The following MYT1L variants were observed in gnomAD, a reference collection of about 807,000 sequenced individuals.
MYT1L encodes the protein myelin transcription factor 1-like protein.
Under a neutral mutation model 126.7 loss-of-function variants are expected in MYT1L, and 12 were observed. The ratio of observed to expected loss-of-function variants is 0.09; its 90% confidence interval spans 0.06 to 0.15. The LOEUF (loss-of-function observed/expected upper bound fraction) is 0.15. MYT1L is among the 10% of genes least tolerant of loss of function. MYT1L has a pLI of 1.00. For missense variants in MYT1L, 979 were observed against 1,585.2 expected (o/e 0.62, Z 6.49); for synonymous variants, 541 against 604.2 (o/e 0.90, Z 1.53).
At chr2:2,036,476 C>T (rs1377604888) in intron 4 of MYT1L, among the ~76,000 whole-genome samples, 2 of 151,308 alleles carry the variant, frequency 1.3e-5, no homozygotes, top group African/African-American at 4.9e-5. Flanking sequence ...AATGCGGGTG[C>T]AGAAGAGAGC....
intron 3 of MYT1L, among the ~76,000 whole-genome samples, chr2:2,088,410 A>T (rs141914999): frequency 6.6e-6 from 1 of 152,334 alleles, no homozygotes; most frequent in East Asian, 1.9e-4. Flanking sequence ...AGGTGTTTGC[A>T]GTCCTGGTGG....
At position 1,979,264 on chromosome 2, in the gene MYT1L, G is replaced by A; in HGVS notation, c.90-37C>T. ...AAGAATGGATTACACGGTGCCGCAGGCAGGCAGGTGAGACGGAAAGCTTCC... is the reference window on the plus strand; with the variant it reads ...AAGAATGGATTACACGGTGCCGCAGACAGGCAGGTGAGACGGAAAGCTTCC... On this transcript the variant is annotated intron_variant, in intron 7 of 24. Transcript: ENST00000647738. This position sits in a 1 kb window ranked among gnomAD's most constrained non-coding sequence, Gnocchi z 4.0. 6.3e-7 allele frequency: 1 copy of A among 1,586,226 alleles called. No individual in the cohort carries two copies. Among genetic ancestry groups the A allele is most frequent in the Non-Finnish European group, 8.6e-7 (1 of 1,156,416 alleles).
rs114415409 is a variant in MYT1L at position 2,095,561 on chromosome 2, C to T, written c.-303-41438G>A. The stretch of plus-strand genomic sequence containing the variant: ...TCCTGCGAGCCCCCACCTGTGGCCG[C>T]GGGGGGTCACTACACCAAGGAATTC... On this transcript the variant is annotated intron_variant, in intron 3 of 24. Coordinates refer to ENST00000647738, the MANE Select transcript of MYT1L (RefSeq NM_001303052.2). Among the ~76,000 whole-genome samples the T allele has an allele frequency of 4.1e-3, 617 of 151,840 alleles. 2 individuals are homozygous for T. Among genetic ancestry groups the T allele is most frequent in the African/African-American group, 0.014 (594 of 41,384 alleles).
At chr2:1,891,123 A>G (rs1438400249) in intron 15 of MYT1L, among the ~76,000 whole-genome samples, 1 of 138,100 alleles carries the variant, frequency 7.2e-6, no homozygotes, top group African/African-American at 3.5e-5. Flanking sequence ...AGGACTAAAT[A>G]TACTGATAGA....
intron 2 of MYT1L, among the ~76,000 whole-genome samples, chr2:2,219,803 T>C (rs1490342513): frequency 2.0e-5 from 3 of 152,126 alleles, no homozygotes; most frequent in African/African-American, 7.2e-5. Flanking sequence ...AATGACCCTG[T>C]CTCCTTTTTT....
At chr2:2,281,623 T>C (rs540873821) in intron 2 of MYT1L, among the ~76,000 whole-genome samples, 2 of 152,304 alleles carry the variant, frequency 1.3e-5, no homozygotes, top group Admixed American at 1.3e-4. Flanking sequence ...AACTTGTGTA[T>C]TTAGAAAAAC....
At chr2:2,005,312 C>A (rs1182456297) in intron 4 of MYT1L, among the ~76,000 whole-genome samples, 1 of 132,078 alleles carries the variant, frequency 7.6e-6, no homozygotes, top group Non-Finnish European at 1.6e-5. Context: ...TCCTGCGTGC[C>A]TTCTTTCCTG....
intron 3 of MYT1L, among the ~76,000 whole-genome samples, chr2:2,092,072 T>C (rs2076965079): frequency 6.6e-6 from 1 of 152,224 alleles, no homozygotes; most frequent in Admixed American, 6.5e-5. Context: ...TTAATTTCAT[T>C]CAAGAATATT....
At chr2:2,273,385 G>A (rs2095302532) in intron 2 of MYT1L, among the ~76,000 whole-genome samples, 3 of 152,214 alleles carry the variant, frequency 2.0e-5, no homozygotes, top group Admixed American at 6.5e-5. Context: ...GAAAGTGGGT[G>A]GCCATGGAGA....
In MYT1L at chr2:1,792,432, G is replaced by C; in HGVS notation, c.3309C>G (p.Ile1103Met). ...ITTMESNLKT[I>M]EEENKVIEQQ... ...GCTCAATCACTTTGTTCTCCTCTTCGATGGTCTTCAGGTTGCTCTCCATCG... is the reference window on the plus strand; with the variant it reads ...GCTCAATCACTTTGTTCTCCTCTTCCATGGTCTTCAGGTTGCTCTCCATCG... Residue 1103 changes from isoleucine to methionine, a missense_variant, in exon 24 of 25, where the codon ATC becomes ATG. Physicochemically the swap from Ile to Met is conservative, Grantham distance 10. Coordinates refer to ENST00000647738, the MANE Select transcript of MYT1L (RefSeq NM_001303052.2). 1 of 1,613,750 alleles carries C rather than the reference G, an allele frequency of 6.2e-7. No homozygotes were observed. The highest frequency in any genetic ancestry group is 8.5e-7 in the Non-Finnish European group (1 of 1,179,796).
intron 5 of MYT1L, among the ~76,000 whole-genome samples, chr2:1,984,039 G>A (rs951932363): frequency 6.6e-6 from 1 of 152,000 alleles, no homozygotes; most frequent in Non-Finnish European, 1.5e-5. Flanking sequence ...AATCTATTTT[G>A]AGCCAATAAA....
chr2:1,992,641 CT>C (rs2061534872), intron 5 of MYT1L, among the ~76,000 whole-genome samples: 1 of 152,228 alleles, frequency 6.6e-6, no homozygotes, highest in Non-Finnish European at 1.5e-5. Flanking sequence ...CTCCATCTTG[CT>C]TTTAACATCC....
intron 8 of MYT1L, among the ~76,000 whole-genome samples, chr2:1,949,299 A>T (rs1259006969): frequency 1.3e-5 from 2 of 152,062 alleles, no homozygotes; most frequent in Non-Finnish European, 2.9e-5. Context: ...AAATGAGAAA[A>T]CCTGGCCTTT....
chr2:2,080,320 G>A (rs2075684689), intron 3 of MYT1L, among the ~76,000 whole-genome samples: 1 of 151,884 alleles, frequency 6.6e-6, no homozygotes, highest in Non-Finnish European at 1.5e-5. Context: ...AAAAGCAAAC[G>A]CATAAGTTTA....
At chr2:2,116,817 A>T (rs1224363362) in intron 3 of MYT1L, among the ~76,000 whole-genome samples, 1 of 152,208 alleles carries the variant, frequency 6.6e-6, no homozygotes, top group Non-Finnish European at 1.5e-5. Flanking sequence ...GGAGTGAGGG[A>T]GGTGCAGCCA....
intron 2 of MYT1L, among the ~76,000 whole-genome samples, chr2:2,174,966 A>G (rs1158531474): frequency 6.6e-6 from 1 of 152,078 alleles, no homozygotes; most frequent in East Asian, 1.9e-4. Flanking sequence ...GTGGCACCTG[A>G]TATGAATCCC....
chr2:2,235,636 C>G (rs890742916), intron 2 of MYT1L, among the ~76,000 whole-genome samples: 1 of 152,188 alleles, frequency 6.6e-6, no homozygotes, highest in African/African-American at 2.4e-5. Context: ...ATTTCTCACC[C>G]TTCTGCCATA....
chr2:2,030,677 G>A (rs1182477692), intron 4 of MYT1L, among the ~76,000 whole-genome samples: 1 of 152,158 alleles, frequency 6.6e-6, no homozygotes, highest in Admixed American at 6.5e-5. Context: ...ATGAAAGAGT[G>A]ACAAATGCAG....
intron 9 of MYT1L, among the ~76,000 whole-genome samples, chr2:1,928,758 C>G (rs1417602260): frequency 6.6e-6 from 1 of 152,062 alleles, no homozygotes; most frequent in African/African-American, 2.4e-5. Flanking sequence ...GCTGGAACTG[C>G]CAGCTTAGTG....
Sources: allele counts gnomAD v4.1 joint callset (sites outside exome capture counted in the v4.1 genomes callset), GRCh38; gene constraint gnomAD v4.1.1; non-coding constraint Gnocchi (gnomAD v3.1); transcripts MANE v1.5; gene names NCBI Gene and HGNC (gene_info 2026-07-23, HGNC 2026-07-21).